Variants in SEMA6A observed in about 807,000 individuals in gnomAD.
SEMA6A encodes the protein semaphorin 6A.
In SEMA6A, 25 loss-of-function variants were observed where a neutral mutation model predicts 96.8. That is an observed-to-expected ratio of 0.26 (90% confidence interval 0.19 to 0.36). SEMA6A has a LOEUF of 0.36. Ranked by LOEUF, SEMA6A falls within the 10% of genes least tolerant of loss-of-function variation. SEMA6A has a pLI of 1.00. For synonymous variants in SEMA6A, 612 were observed against 518.0 expected (o/e 1.18, Z -2.46); for missense variants, 1,363 against 1,323.1 (o/e 1.03, Z -0.47).
chr5:116,571,431 A>G (rs887725156), intron 1 of SEMA6A, among the ~76,000 whole-genome samples: 1 of 152,374 alleles, frequency 6.6e-6, no homozygotes, highest in South Asian at 2.1e-4. Context: ...AACACTGTAC[A>G]TCAGAAACAT....
intron 15 of SEMA6A, among the ~76,000 whole-genome samples, chr5:116,476,342 C>A (rs1478113403): frequency 6.6e-6 from 1 of 152,170 alleles, no homozygotes; most frequent in Non-Finnish European, 1.5e-5. Context: ...TGTACATATT[C>A]CCATAATATA....
intron 1 of SEMA6A, among the ~76,000 whole-genome samples, chr5:116,524,808 T>C (rs911918967): frequency 1.4e-3 from 23 of 15,934 alleles, no homozygotes; most frequent in Non-Finnish European, 4.2e-3. Context: ...ACACACACAA[T>C]TTTTAGAGCT....
At chr5:116,483,591 AT>A (rs1756900119) in intron 10 of SEMA6A, among the ~76,000 whole-genome samples, 1 of 152,338 alleles carries the variant, frequency 6.6e-6, no homozygotes, top group Admixed American at 6.5e-5. Context: ...GATTAGGAGA[AT>A]TTATTCCATC....
intron 1 of SEMA6A, among the ~76,000 whole-genome samples, chr5:116,513,876 C>A (rs763109592): frequency 6.6e-6 from 1 of 152,096 alleles, no homozygotes; most frequent in Admixed American, 6.6e-5. Flanking sequence ...TAAGAACATG[C>A]GGTATTTGGT....
chr5:116,551,633 G>T (rs73780375), intron 1 of SEMA6A, among the ~76,000 whole-genome samples: 2 of 152,006 alleles, frequency 1.3e-5, no homozygotes, highest in African/African-American at 4.8e-5. Context: ...CCCAGGCACT[G>T]GCTTCTCTGC....
At chr5:116,463,838 A>T (rs952757477) in intron 18 of SEMA6A, among the ~76,000 whole-genome samples, 3 of 152,192 alleles carry the variant, frequency 2.0e-5, no homozygotes, top group Admixed American at 6.5e-5. Context: ...TTTTTATTCT[A>T]TTCAGGATAT....
At chr5:116,475,471 G>T (rs1385109926) in intron 16 of SEMA6A, 74 bp downstream of exon 16, 1 of 996,664 alleles carries the variant, frequency 1.0e-6, no homozygotes. Context: ...TTCCACATGT[G>T]AGCTGATGTT....
At chr5:116,544,998 C>A (rs530811340) in intron 1 of SEMA6A, among the ~76,000 whole-genome samples, 3 of 152,080 alleles carry the variant, frequency 2.0e-5, no homozygotes, top group African/African-American at 7.2e-5. Flanking sequence ...CCCCTGGTCA[C>A]CTGCTCCATC....
At position 116,446,984 on chromosome 5, in the gene SEMA6A, G is replaced by A; in HGVS notation, c.2722C>T (p.His908Tyr). ...TGLSKRLEMHHSSSYGVDYKR... is the reference protein window; with the variant it reads ...TGLSKRLEMHYSSSYGVDYKR... Reference sequence around the variant, plus strand: ...TAGTCAACCCCGTAGGAAGAGGAGTGGTGCATTTCCAGCCGCTTGCTTAGA... The same window carrying A: ...TAGTCAACCCCGTAGGAAGAGGAGTAGTGCATTTCCAGCCGCTTGCTTAGA... The change falls in exon 19 of 19, where the codon CAC (histidine) becomes TAC (tyrosine). Residue 908 changes from histidine to tyrosine, a missense_variant. Coordinates refer to ENST00000343348, the MANE Select transcript of SEMA6A (RefSeq NM_020796.5). 6.2e-7 allele frequency: 1 copy of A among 1,613,918 alleles called. No homozygotes were observed. Among genetic ancestry groups the A allele is most frequent in the Non-Finnish European group, 8.5e-7 (1 of 1,179,872 alleles).
rs566293338 is a variant in SEMA6A, at chr5:116,538,043, C to T, written c.-38-33061G>A. Among the ~76,000 whole-genome samples the T allele has an allele frequency of 9.2e-5, 14 of 152,208 alleles. No homozygotes were observed. In the East Asian group the frequency reaches 1.7e-3, roughly 19 times the overall value. On this transcript the variant is annotated intron_variant, in intron 1 of 18. Transcript: ENST00000343348. The stretch of plus-strand genomic sequence containing the variant: ...ACAAAAAATTAGCTGGGTGTGGTGG[C>T]GCATGCCTGTAATCTCAGCTACTTG...
intron 1 of SEMA6A, chr5:116,562,606 C>A: frequency 1.5e-6 from 1 of 689,576 alleles, no homozygotes; most frequent in Non-Finnish European, 2.7e-6. Flanking sequence ...AGGTCATCAG[C>A]CTCTGACCTC....
chr5:116,529,394 G>C (rs1375939912), intron 1 of SEMA6A, among the ~76,000 whole-genome samples: 1 of 152,148 alleles, frequency 6.6e-6, no homozygotes, highest in African/African-American at 2.4e-5. Context: ...TAGAAAAGCA[G>C]ATTTTGAATG....
At chr5:116,519,338 G>A (rs1758818806) in intron 1 of SEMA6A, among the ~76,000 whole-genome samples, 1 of 152,140 alleles carries the variant, frequency 6.6e-6, no homozygotes, top group Non-Finnish European at 1.5e-5. Context: ...GTACACCACA[G>A]GGTACTTTTT....
chr5:116,538,492 T>A (rs74426116), intron 1 of SEMA6A, among the ~76,000 whole-genome samples: 3,926 of 152,226 alleles, frequency 0.026, 188 homozygotes, highest in African/African-American at 0.09. Flanking sequence ...GATAATGAAT[T>A]ATTTTCAGGT....
Position 116,478,078 on chromosome 5 carries a change from C to T in SEMA6A, c.1504G>A (p.Ala502Thr). The change falls in exon 14 of 19, where the codon GCG becomes ACG. Residue 502 changes from alanine (A) to threonine (T), a missense_variant. Ala to Thr is a moderately conservative substitution (Grantham distance 58). This residue lies in a region of SEMA6A where 883 missense variants were observed against 763.6 expected (regional missense o/e 1.16). Transcript: ENST00000343348. ...LDRASSSLYVAFSTCVIKVPL... is the reference protein window; with the variant it reads ...LDRASSSLYVTFSTCVIKVPL... ...ACCTTTATCACACAGGTAGAGAACG[C>T]AACATACAGAGAGCTGCTTGCTCTG... The T allele has an allele frequency of 6.2e-7, 1 of 1,613,958 alleles. No individual in the cohort carries two copies. The highest frequency in any genetic ancestry group is 8.5e-7 in the Non-Finnish European group (1 of 1,179,860).
At chr5:116,540,004 TG>T (rs1166461490) in intron 1 of SEMA6A, among the ~76,000 whole-genome samples, 1 of 152,204 alleles carries the variant, frequency 6.6e-6, no homozygotes, top group Non-Finnish European at 1.5e-5. Flanking sequence ...CACTATTTTC[TG>T]TTCGTTTTCC....
At chr5:116,513,310 A>G (rs574904421) in intron 1 of SEMA6A, among the ~76,000 whole-genome samples, 4 of 152,180 alleles carry the variant, frequency 2.6e-5, no homozygotes, top group South Asian at 2.1e-4. Context: ...TATTTTTAGT[A>G]GAGACGGGGT....
chr5:116,495,723 G>C (rs1380058354), intron 5 of SEMA6A: 1 of 506,406 alleles, frequency 2.0e-6, no homozygotes, highest in Admixed American at 3.6e-5. Flanking sequence ...ACAAAGCATA[G>C]AATGGAAGAT....
chr5:116,506,990 C>T (rs141847507), intron 1 of SEMA6A, among the ~76,000 whole-genome samples: 1,961 of 152,204 alleles, frequency 0.013, 23 homozygotes, highest in Non-Finnish European at 0.02. Flanking sequence ...TTAATTTTTT[C>T]CATCTTAAGA....
Sources: gnomAD v4.1 joint callset for allele counts (sites outside exome capture counted in the v4.1 genomes callset) on GRCh38, gnomAD v4.1.1 for gene constraint, gnomAD v4.1.1 regional missense constraint, MANE v1.5 for transcripts, NCBI Gene and HGNC (gene_info 2026-07-23, HGNC 2026-07-21) for gene names.